Variants in SUFU observed in about 807,000 individuals in gnomAD.
SUFU encodes SUFU negative regulator of hedgehog signaling.
Under a neutral mutation model 58.9 loss-of-function variants are expected in SUFU, and 7 were observed. The observed-to-expected ratio is 0.12, with a 90% CI of 0.07 to 0.22. SUFU has a LOEUF of 0.22. SUFU is among the 10% of genes least tolerant of loss of function. SUFU has a pLI of 1.00. For missense variants in SUFU, 451 were observed against 641.3 expected (o/e 0.70, Z 3.20); for synonymous variants, 232 against 254.8 (o/e 0.91, Z 0.85).
At chr10:102,542,374 G>A (rs539955818) in intron 2 of SUFU, among the ~76,000 whole-genome samples, 32 of 151,498 alleles carry the variant, frequency 2.1e-4, no homozygotes, top group African/African-American at 7.5e-4. Flanking sequence ...CTCATGATCC[G>A]CCCACCTCGG....
At chr10:102,550,243 G>A in intron 3 of SUFU, 137 bp downstream of exon 3, 1 of 1,404,012 alleles carries the variant, frequency 7.1e-7, no homozygotes, top group South Asian at 1.2e-5. Context: ...CCATGAGGAT[G>A]GCTTGTTTTG....
At chr10:102,509,367 G>A (rs2062371364) in intron 2 of SUFU, 64 bp downstream of exon 2, 1 of 1,598,996 alleles carries the variant, frequency 6.3e-7, no homozygotes, top group African/African-American at 1.3e-5. Flanking sequence ...GAGCAGGGGT[G>A]ACAATGTCAT....
chr10:102,544,117 T>G (rs2062830621), intron 2 of SUFU, among the ~76,000 whole-genome samples: 1 of 151,802 alleles, frequency 6.6e-6, no homozygotes, highest in Admixed American at 6.6e-5. Context: ...AAGATGAGCT[T>G]TGGAGTTATA....
chr10:102,581,279 A>C (rs1054039110), intron 3 of SUFU, among the ~76,000 whole-genome samples: 2 of 151,334 alleles, frequency 1.3e-5, no homozygotes, highest in South Asian at 2.1e-4. Context: ...CAGTGGGGGC[A>C]GTAGGCAGAC....
At chr10:102,540,788 A>C (rs887027217) in intron 2 of SUFU, among the ~76,000 whole-genome samples, 15 of 150,722 alleles carry the variant, frequency 1.0e-4, no homozygotes, top group Non-Finnish European at 2.2e-4. Flanking sequence ...CTGGGAGGCC[A>C]AGGTGGGTGG....
Position 102,550,145 on chromosome 10 carries a change from C to T in SUFU, c.454+39C>T, listed in dbSNP as rs749690684. The T allele has an allele frequency of 1.7e-5, 27 of 1,613,570 alleles. No individual in the cohort carries two copies. In the Admixed American group the frequency reaches 4.2e-4, roughly 25 times the overall value. ...GCTGGCTGCTGTGCTGGTCCTTTTG[C>T]CATGAGCCTGGTTGACTTTGAGTAC... On this transcript the variant is annotated intron_variant, in intron 3 of 11. Transcript: ENST00000369902.
At chr10:102,538,304 A>AT (rs2062764112) in intron 2 of SUFU, among the ~76,000 whole-genome samples, 1 of 151,560 alleles carries the variant, frequency 6.6e-6, no homozygotes, top group South Asian at 2.1e-4. Flanking sequence ...TTGTTTCTAG[A>AT]TTTTTTATTC....
intron 2 of SUFU, among the ~76,000 whole-genome samples, chr10:102,512,618 A>G (rs890878883): frequency 2.0e-5 from 3 of 152,198 alleles, no homozygotes; most frequent in Admixed American, 1.3e-4. Flanking sequence ...TTGTATTCAT[A>G]TGTCATTTAT....
intron 2 of SUFU, among the ~76,000 whole-genome samples, chr10:102,531,894 G>A (rs953517387): frequency 1.3e-5 from 2 of 151,998 alleles, no homozygotes; most frequent in Non-Finnish European, 2.9e-5. Context: ...ATAGCACCTC[G>A]GGCAATCCCA....
At chr10:102,539,711 TTTAC>T (rs1305960494) in intron 2 of SUFU, among the ~76,000 whole-genome samples, 6 of 152,224 alleles carry the variant, frequency 3.9e-5, no homozygotes, top group Non-Finnish European at 8.8e-5. Flanking sequence ...CTTCTCCATA[TTTAC>T]TTACTTATTC....
chr10:102,519,162 G>A (rs1362726597), intron 2 of SUFU, among the ~76,000 whole-genome samples: 10 of 147,908 alleles, frequency 6.8e-5, no homozygotes, highest in Middle Eastern at 7.1e-3. Context: ...AAAAGAAAGA[G>A]TCCTTCAGGG....
chr10:102,547,293 C>G (rs751857186), intron 2 of SUFU, among the ~76,000 whole-genome samples: 8 of 152,226 alleles, frequency 5.3e-5, no homozygotes, highest in Non-Finnish European at 7.3e-5. Flanking sequence ...AAACCTGCAG[C>G]TCCAGGGAGG....
chr10:102,617,203 C>T lies in SUFU; in HGVS notation c.1158-87C>T, dbSNP rs1290596024. The T allele has an allele frequency of 6.3e-7, 1 of 1,586,518 alleles. No homozygotes were observed. The highest frequency in any genetic ancestry group is 8.6e-7 in the Non-Finnish European group (1 of 1,157,268). ...TACCTGGCCCGCGGACCATAGTCCC[C>T]ACTGTCCCAGAGCCTTGGCCAGGCC... is the stretch of plus-strand genomic sequence containing the variant. On this transcript the variant is annotated intron_variant, in intron 9 of 11. Coordinates refer to ENST00000369902, the MANE Select transcript of SUFU (RefSeq NM_016169.4). This position sits in a 1 kb window ranked among gnomAD's most constrained non-coding sequence, Gnocchi z 4.4.
chr10:102,598,139 G>A (rs923049492), intron 7 of SUFU, among the ~76,000 whole-genome samples: 12 of 152,124 alleles, frequency 7.9e-5, no homozygotes, highest in African/African-American at 2.9e-4. Context: ...AACTCCTAGT[G>A]CAAATATTTG....
At chr10:102,611,010 G>T (rs1032821982) in intron 8 of SUFU, among the ~76,000 whole-genome samples, 5 of 152,238 alleles carry the variant, frequency 3.3e-5, no homozygotes, top group African/African-American at 1.2e-4. Flanking sequence ...GGACAAGAGA[G>T]ATCATAGTCC....
chr10:102,532,255 C>T (rs2062685420), intron 2 of SUFU, among the ~76,000 whole-genome samples: 1 of 152,206 alleles, frequency 6.6e-6, no homozygotes, highest in Non-Finnish European at 1.5e-5. Context: ...AGGCGTGAGC[C>T]ACCATGCTCC....
chr10:102,533,133 C>G (rs535403548), intron 2 of SUFU, among the ~76,000 whole-genome samples: 8 of 152,126 alleles, frequency 5.3e-5, no homozygotes, highest in Non-Finnish European at 8.8e-5. Flanking sequence ...TGGAGGATAA[C>G]TCTTGGGATT....
At chr10:102,510,569 C>T (rs1332189040) in intron 2 of SUFU, among the ~76,000 whole-genome samples, 1 of 151,228 alleles carries the variant, frequency 6.6e-6, no homozygotes, top group Non-Finnish European at 1.5e-5. Context: ...TGCCTGTAAT[C>T]CCAGCACTTT....
chr10:102,565,464 T>C (rs2063077609), intron 3 of SUFU, among the ~76,000 whole-genome samples: 1 of 152,226 alleles, frequency 6.6e-6, no homozygotes, highest in Non-Finnish European at 1.5e-5. Context: ...GGATTTTCTT[T>C]AGCAAGTTCC....
Sources: gnomAD v4.1 joint callset for allele counts (sites outside exome capture counted in the v4.1 genomes callset) on GRCh38, gnomAD v4.1.1 for gene constraint, Gnocchi (gnomAD v3.1) non-coding constraint, MANE v1.5 for transcripts, NCBI Gene and HGNC (gene_info 2026-07-23, HGNC 2026-07-21) for gene names.